CADM2: variants seen among roughly 807,000 people sequenced by gnomAD.
The protein encoded by CADM2 is immunoglobulin superfamily member 4D.
CADM2 carries 12 observed loss-of-function variants against 49.8 expected under a neutral mutation model. The ratio of observed to expected loss-of-function variants is 0.24; its 90% CI spans 0.15 to 0.39. The LOEUF (loss-of-function observed/expected upper bound fraction) is 0.39. Among genes scored for constraint, CADM2 ranks in the 10% least tolerant of loss-of-function variants. The probability of loss-of-function intolerance (pLI) is 1.00; values close to 1 mark genes in which losing one functional copy is unlikely to be tolerated. For missense variants in CADM2, 378 were observed against 492.3 expected, an observed-to-expected ratio of 0.77 and a Z score of 2.20; for synonymous variants, 214 against 175.4, an observed-to-expected ratio of 1.22 and a Z score of -1.74.
At chr3:85,672,157 A>C (rs1028975471) in intron 1 of CADM2, among the ~76,000 whole-genome samples, 7 of 151,094 alleles carry the variant, frequency 4.6e-5, no homozygotes, top group Admixed American at 4.6e-4. Flanking sequence ...GACAAGTAAA[A>C]TTTACATAAT....
At chr3:85,900,531 A>AT (rs999631027) in intron 5 of CADM2, among the ~76,000 whole-genome samples, 16 of 152,138 alleles carry the variant, frequency 1.1e-4, no homozygotes, top group Non-Finnish European at 1.8e-4. Context: ...ACATAAAAAC[A>AT]TTTTTTTTAA....
At chr3:86,013,910 A>T in intron 8 of CADM2, 2 of 1,593,182 alleles carry the variant, frequency 1.3e-6, no homozygotes, top group South Asian at 1.1e-5. Context: ...CTATCTACAC[A>T]CTCTGAACTT....
Position 86,023,547 on chromosome 3 carries a change from G to A in CADM2, c.971-42058G>A, listed in dbSNP as rs190559958. ...CTAATTTTGTATTTTTAGTAGAGAC[G>A]GGGTTTCTCCATGTTGGTGAGGTTG... On this transcript the variant is annotated intron_variant, in intron 8 of 9. Transcript: ENST00000383699. Among the ~76,000 whole-genome samples the A allele has an allele frequency of 1.6e-3, 238 of 152,034 alleles. 1 individual carries two copies. The highest frequency in any genetic ancestry group is 5.3e-3 in the African/African-American group (219 of 41,452).
At chr3:85,076,444 T>C (rs1309791106) in intron 1 of CADM2, among the ~76,000 whole-genome samples, 1 of 151,518 alleles carries the variant, frequency 6.6e-6, no homozygotes. Context: ...GCCTCCAGAG[T>C]TGAAGCCATT....
At chr3:85,221,138 C>T (rs1184814729) in intron 1 of CADM2, among the ~76,000 whole-genome samples, 5 of 152,110 alleles carry the variant, frequency 3.3e-5, no homozygotes, top group East Asian at 1.9e-4. Context: ...TCGTTATAAA[C>T]GATACACTTT....
intron 1 of CADM2, among the ~76,000 whole-genome samples, chr3:85,128,768 A>G (rs1575935527): frequency 6.6e-6 from 1 of 152,314 alleles, no homozygotes; most frequent in East Asian, 1.9e-4. Flanking sequence ...ATGTGGGTGC[A>G]TCAGAAGCAA....
intron 1 of CADM2, among the ~76,000 whole-genome samples, chr3:85,612,736 A>T (rs575383056): frequency 6.6e-6 from 1 of 151,888 alleles, no homozygotes; most frequent in Admixed American, 6.6e-5. Context: ...GTTTGTCATG[A>T]GGGACATTTA....
chr3:85,009,826 A>T (rs1185140965), intron 1 of CADM2, among the ~76,000 whole-genome samples: 1 of 151,798 alleles, frequency 6.6e-6, no homozygotes, highest in African/African-American at 2.4e-5. Flanking sequence ...AGATTGTGCC[A>T]CTGTGCTCCA....
chr3:85,521,720 G>A lies in CADM2; in HGVS notation c.62-204802G>A, dbSNP rs554660893. On this transcript the variant is annotated intron_variant, in intron 1 of 9. Coordinates refer to ENST00000383699, the MANE Select transcript of CADM2 (RefSeq NM_001167675.2). ...TGTAGCTAATTTACATATTCCGTGA[G>A]TTTATTGAATTCGTTCACATTTGAC... Among the ~76,000 whole-genome samples the A allele has an allele frequency of 6.6e-5, 10 of 152,258 alleles. No individual in the cohort carries two copies. The South Asian group carries it at 2.1e-3, about 32-fold the overall frequency.
At chr3:85,608,587 A>G (rs1442979015) in intron 1 of CADM2, among the ~76,000 whole-genome samples, 4 of 152,182 alleles carry the variant, frequency 2.6e-5, no homozygotes, top group Non-Finnish European at 5.9e-5. Flanking sequence ...GATGGGATAA[A>G]GCATCCAAAC....
chr3:85,754,756 CA>C (rs2069026047), intron 2 of CADM2, among the ~76,000 whole-genome samples: 1 of 152,020 alleles, frequency 6.6e-6, no homozygotes, highest in Admixed American at 6.6e-5. Flanking sequence ...TTCAATAAAA[CA>C]AACATTAACA....
chr3:85,090,984 G>A (rs745458270), intron 1 of CADM2, among the ~76,000 whole-genome samples: 2 of 152,150 alleles, frequency 1.3e-5, no homozygotes, highest in African/African-American at 2.4e-5. Flanking sequence ...GGTGGGGCCA[G>A]TATTTCTCAA....
At chr3:84,967,590 C>A (rs72917435) in intron 1 of CADM2, among the ~76,000 whole-genome samples, 2 of 151,938 alleles carry the variant, frequency 1.3e-5, no homozygotes, top group Admixed American at 1.3e-4. Flanking sequence ...TGCTGAAGTC[C>A]GAATAGTAAC....
At chr3:85,819,564 A>T (rs1461403122) in intron 3 of CADM2, among the ~76,000 whole-genome samples, 1 of 152,132 alleles carries the variant, frequency 6.6e-6, no homozygotes, top group South Asian at 2.1e-4. Flanking sequence ...TTATTAAAAG[A>T]TCTTAAAGCT....
intron 1 of CADM2, among the ~76,000 whole-genome samples, chr3:85,278,911 A>G (rs78272336): frequency 0.1 from 15,809 of 151,452 alleles, 964 homozygotes; most frequent in African/African-American, 0.17. Flanking sequence ...TCACATATCA[A>G]TGTAAAACCA....
chr3:85,408,943 A>C (rs1171953037), intron 1 of CADM2, among the ~76,000 whole-genome samples: 1 of 152,186 alleles, frequency 6.6e-6, no homozygotes, highest in African/African-American at 2.4e-5. Context: ...CTTAATCTAA[A>C]AAAAAACTAC....
chr3:85,226,037 A>C (rs1032109446), intron 1 of CADM2, among the ~76,000 whole-genome samples: 1 of 152,318 alleles, frequency 6.6e-6, no homozygotes, highest in Non-Finnish European at 1.5e-5. Flanking sequence ...ATCAATCTTC[A>C]TCAGGGATAT....
In CADM2 at chr3:84,959,538, A is replaced by T; in HGVS notation, c.-70A>T. The T allele has an allele frequency of 5.6e-6, 8 of 1,423,312 alleles. No homozygotes were observed. The highest frequency in any genetic ancestry group is 7.7e-6 in the Non-Finnish European group (8 of 1,045,094). The allele number at this position is 1,423,312 out of a possible 1,614,324, so 88.2% of individuals were successfully genotyped here. A position where few individuals can be genotyped will look rare whatever the true frequency, so the allele number is the denominator to read the frequency against. ...GAGGAGGACACCAGCGGAGCCCTGCACTCTCGTGCCCCGCTCACCAGCATC... is the reference window on the plus strand; with the variant it reads ...GAGGAGGACACCAGCGGAGCCCTGCTCTCTCGTGCCCCGCTCACCAGCATC... On this transcript the variant is annotated 5_prime_UTR_variant, in exon 1 of 10. Coordinates refer to ENST00000383699, the MANE Select transcript of CADM2 (RefSeq NM_001167675.2).
intron 1 of CADM2, among the ~76,000 whole-genome samples, chr3:85,552,040 C>G (rs2061815470): frequency 6.6e-6 from 1 of 152,016 alleles, no homozygotes; most frequent in Non-Finnish European, 1.5e-5. Flanking sequence ...AAAGACCATA[C>G]AATATAATCA....
Sources: gnomAD v4.1 joint callset for allele counts (sites outside exome capture counted in the v4.1 genomes callset) on GRCh38, gnomAD v4.1.1 for gene constraint, MANE v1.5 for transcripts, NCBI Gene and HGNC (gene_info 2026-07-23, HGNC 2026-07-21) for gene names.